The following ADGRA1 variants were observed in gnomAD, a reference collection of about 807,000 sequenced individuals.
ADGRA1 encodes G-protein coupled receptor 123.
ADGRA1 carries 12 observed loss-of-function variants against 21.3 expected under a neutral mutation model. The observed-to-expected ratio is 0.56, with a 90% confidence interval of 0.36 to 0.91. ADGRA1 has a LOEUF of 0.91. Ranked by LOEUF, ADGRA1 falls within the 40% of genes least tolerant of loss-of-function variation. The pLI is 0.01. For missense variants in ADGRA1, 790 were observed against 805.6 expected (o/e 0.98, Z 0.23); for synonymous variants, 385 against 368.8 (o/e 1.04, Z -0.50).
At chr10:133,127,208 G>A (rs989363472) in intron 5 of ADGRA1, 25 bp from the exon 6 acceptor site, 1 of 1,508,752 alleles carries the variant, frequency 6.6e-7, no homozygotes, top group Non-Finnish European at 9.0e-7. Context: ...GTCTGCAAGG[G>A]GGTCAACGCC....
At chr10:133,124,529 G>T (rs868641980) in intron 5 of ADGRA1, among the ~76,000 whole-genome samples, 10 of 152,254 alleles carry the variant, frequency 6.6e-5, no homozygotes, top group African/African-American at 2.4e-4. Flanking sequence ...CTGCCCCAAC[G>T]CTGGGCACCT....
chr10:133,110,017 A>G, intron 5 of ADGRA1, among the ~76,000 whole-genome samples: 1 of 152,126 alleles, frequency 6.6e-6, no homozygotes, highest in South Asian at 2.1e-4. Context: ...GAGGGGCTGG[A>G]AGATACACTC....
chr10:133,121,484 GGT>G (rs1281722212), intron 5 of ADGRA1, among the ~76,000 whole-genome samples: 1 of 151,650 alleles, frequency 6.6e-6, no homozygotes, highest in African/African-American at 2.4e-5. Flanking sequence ...GTGCATGTGT[GGT>G]GTGTGCCAGT....
chr10:133,094,525 C>A (rs971333999), intron 2 of ADGRA1, among the ~76,000 whole-genome samples: 1 of 152,286 alleles, frequency 6.6e-6, no homozygotes, highest in African/African-American at 2.4e-5. Context: ...CCAGGGAGGC[C>A]GTGAGAGGAC....
At chr10:133,112,777 A>G (rs113428676) in intron 5 of ADGRA1, among the ~76,000 whole-genome samples, 7,941 of 39,962 alleles carry the variant, frequency 0.2, 660 homozygotes, top group African/African-American at 0.4. Flanking sequence ...TCTGTAAGCT[A>G]TGTCGGTTAT....
In ADGRA1 at chr10:133,098,664, C is replaced by T; in HGVS notation, c.156C>T (p.Gly52=). ...HQSAIRISRK[G]RHTLLNFCFH... The stretch of plus-strand genomic sequence containing the variant: ...GCGCCATCCGCATCAGCCGCAAGGG[C>T]CGGCACACGCTCCTGAATTTCTGCT... The change falls in exon 4 of 7, where the codon GGC becomes GGT. Residue 52 remains glycine, a synonymous_variant. Coordinates refer to ENST00000392607, the MANE Select transcript of ADGRA1 (RefSeq NM_001083909.3). The T allele has an allele frequency of 2.5e-6, 4 of 1,610,774 alleles. No homozygotes were observed. The highest frequency in any genetic ancestry group is 3.4e-6 in the Non-Finnish European group (4 of 1,179,908).
At chr10:133,095,175 C>T (rs117123839) in intron 2 of ADGRA1, among the ~76,000 whole-genome samples, 2,659 of 152,226 alleles carry the variant, frequency 0.017, 38 homozygotes, top group African/African-American at 0.033. Flanking sequence ...GAGCTCGGAC[C>T]GGACACTCAC....
At chr10:133,095,823 C>T (rs1159681372) in intron 2 of ADGRA1, 2 of 1,581,976 alleles carry the variant, frequency 1.3e-6, no homozygotes, top group Non-Finnish European at 1.7e-6. Flanking sequence ...ACAGGAGGGT[C>T]CCTCTCCACT....
intron 5 of ADGRA1, among the ~76,000 whole-genome samples, chr10:133,104,273 G>T (rs1212174418): frequency 2.6e-5 from 4 of 152,232 alleles, no homozygotes; most frequent in Non-Finnish European, 5.9e-5. Context: ...GGCTGGGGAG[G>T]TAGGGTTTCA....
chr10:133,123,687 G>A (rs375641166), intron 5 of ADGRA1, among the ~76,000 whole-genome samples: 40 of 148,334 alleles, frequency 2.7e-4, no homozygotes, highest in South Asian at 2.4e-3. Context: ...CTGGGCCGAC[G>A]TCGAGTTGTG....
At position 133,129,541 on chromosome 10, in the gene ADGRA1, G is replaced by C; in HGVS notation, c.*30G>C. 6.5e-7 allele frequency: 1 copy of C among 1,543,652 alleles called. No homozygotes were observed. The highest frequency in any genetic ancestry group is 1.7e-4 in the Middle Eastern group (1 of 5,830). ...GGGCAGAGGACACGGTGTTCCTGGA[G>C]GAGCTTCAGAGCAGAGTGGGGGGCC... On this transcript the variant is annotated 3_prime_UTR_variant, in exon 7 of 7. Coordinates refer to ENST00000392607, the MANE Select transcript of ADGRA1 (RefSeq NM_001083909.3).
At chr10:133,094,109 G>T (rs909704908) in intron 2 of ADGRA1, among the ~76,000 whole-genome samples, 1 of 152,246 alleles carries the variant, frequency 6.6e-6, no homozygotes, top group South Asian at 2.1e-4. Flanking sequence ...TGCCCTTGCC[G>T]CCTCAGTCCG....
At chr10:133,102,671 C>A in intron 4 of ADGRA1, 26 bp from the exon 5 acceptor site, 5 of 1,588,196 alleles carry the variant, frequency 3.1e-6, no homozygotes, top group Non-Finnish European at 3.4e-6. Context: ...CCGCCAAGGG[C>A]CTGGCTGACC....
rs1325473029 is a variant in ADGRA1 at position 133,094,681 on chromosome 10, C to T, written c.4-2293C>T. 2.0e-5 allele frequency among the ~76,000 whole-genome samples: 3 copies of T among 152,316 alleles called. No homozygotes were observed. In the Middle Eastern group the frequency reaches 0.01, roughly 518 times the overall value. Reference sequence around the variant, plus strand: ...AGTGGACCCCACTCTCTTGGCTTCTCTCGCGGATCTGGGTTTGCAACAATG... The same window carrying T: ...AGTGGACCCCACTCTCTTGGCTTCTTTCGCGGATCTGGGTTTGCAACAATG... On this transcript the variant is annotated intron_variant, in intron 2 of 6. Transcript: ENST00000392607.
At chr10:133,128,118 C>T (rs1177310641) in intron 6 of ADGRA1, among the ~76,000 whole-genome samples, 1 of 146,270 alleles carries the variant, frequency 6.8e-6, no homozygotes, top group African/African-American at 2.6e-5. Flanking sequence ...GGACACTTTC[C>T]TGGCTACCCC....
chr10:133,113,527 C>T (rs1852102306), intron 5 of ADGRA1, among the ~76,000 whole-genome samples: 1 of 152,210 alleles, frequency 6.6e-6, no homozygotes. Flanking sequence ...CGTGGCCACG[C>T]ACTGGGCCTG....
rs1564850417 is a variant in ADGRA1 at position 133,112,772 on chromosome 10, AAGCTATGTCGGTTATTTGG to A, written c.401+9931_401+9949del. ...GCCGCGTCGGTTATTTGGGGTCTGTAAGCTATGTCGGTTATTTGGGGTCTGCGGGCCGTGTTGGTTCGGT... is the reference window on the plus strand; with the variant it reads ...GCCGCGTCGGTTATTTGGGGTCTGTAGGTCTGCGGGCCGTGTTGGTTCGGT... On this transcript the variant is annotated intron_variant, in intron 5 of 6. Coordinates refer to ENST00000392607, the MANE Select transcript of ADGRA1 (RefSeq NM_001083909.3). Among the ~76,000 whole-genome samples, 16 of 56,302 alleles carry A rather than the reference AAGCTATGTCGGTTATTTGG, an allele frequency of 2.8e-4. 1 individual carries two copies. The highest frequency in any genetic ancestry group is 6.5e-4 in the Admixed American group (3 of 4,582). The allele number at this position is 56,302 out of a possible 152,430, so 36.9% of individuals were successfully genotyped here.
chr10:133,112,818 AT>A lies in ADGRA1; in HGVS notation c.401+9979del, dbSNP rs1282122068. Among the ~76,000 whole-genome samples the A allele has an allele frequency of 9.1e-5, 12 of 132,060 alleles. No individual in the cohort carries two copies. In the East Asian group the frequency reaches 2.8e-3, roughly 31 times the overall value. The allele number at this position is 132,060 out of a possible 152,430, so 86.6% of individuals were successfully genotyped here. On this transcript the variant is annotated intron_variant, in intron 5 of 6. Transcript: ENST00000392607. ...GTCTGCGGGCCGTGTTGGTTCGGTT[AT>A]TTGGGGTCTGTAAGCTGTGTTGGTT...
chr10:133,124,023 TCTC>T (rs1439750452), intron 5 of ADGRA1, among the ~76,000 whole-genome samples: 1 of 152,162 alleles, frequency 6.6e-6, no homozygotes, highest in Admixed American at 6.5e-5. Context: ...GAGCTCTTGT[TCTC>T]CTGTGCGATG....
Sources: allele counts gnomAD v4.1 joint callset (sites outside exome capture counted in the v4.1 genomes callset), GRCh38; gene constraint gnomAD v4.1.1; transcripts MANE v1.5; gene names NCBI Gene and HGNC (gene_info 2026-07-23, HGNC 2026-07-21).